The following RNF157 variants were observed in gnomAD, a reference collection of about 807,000 sequenced individuals.
RNF157 encodes ring finger protein 157, also known as E3 ubiquitin ligase RNF157.
A neutral mutation model predicts 88.3 loss-of-function variants in RNF157; 55 were observed. That is an observed-to-expected ratio of 0.62 (90% confidence interval 0.50 to 0.78). The LOEUF (loss-of-function observed/expected upper bound fraction) is 0.78, where lower values mean the gene tolerates loss of function less well. Ranked by LOEUF, RNF157 falls within the 30% of genes least tolerant of loss-of-function variation. The probability of loss-of-function intolerance (pLI) is 0.00; values close to 1 mark genes in which losing one functional copy is unlikely to be tolerated. For missense variants in RNF157, 788 were observed against 860.8 expected, an observed-to-expected ratio of 0.92 and a Z score of 1.06; for synonymous variants, 334 against 341.2, an observed-to-expected ratio of 0.98 and a Z score of 0.23.
chr17:76,164,724 A>G, intron 8 of RNF157, 24 bp downstream of exon 8: 1 of 1,499,872 alleles, frequency 6.7e-7, no homozygotes, highest in Non-Finnish European at 9.3e-7. Context: ...TAATACTAAC[A>G]GTCTGTGGTC....
chr17:76,175,656 T>C, intron 2 of RNF157: 3 of 563,030 alleles, frequency 5.3e-6, no homozygotes, highest in Non-Finnish European at 6.8e-6. Flanking sequence ...AAAGCCAAAA[T>C]AAATGACTTT....
intron 8 of RNF157, chr17:76,163,967 G>A (rs1178632554): frequency 1.3e-5 from 2 of 152,194 alleles, no homozygotes; most frequent in Admixed American, 6.5e-5. Context: ...AAAGAGAGGC[G>A]AGTAATTAAC....
At chr17:76,229,253 C>G (rs1267995958) in intron 1 of RNF157, among the ~76,000 whole-genome samples, 1 of 152,234 alleles carries the variant, frequency 6.6e-6, no homozygotes, top group Non-Finnish European at 1.5e-5. Context: ...CCTCTTCCTT[C>G]ACACTTTCTC....
At chr17:76,184,058 G>T (rs959741907) in intron 2 of RNF157, among the ~76,000 whole-genome samples, 2 of 151,988 alleles carry the variant, frequency 1.3e-5, no homozygotes, top group Non-Finnish European at 2.9e-5. Flanking sequence ...AGGCACAGCG[G>T]CACGCGCCTG....
At chr17:76,227,091 AAAT>A (rs1598444852) in intron 1 of RNF157, among the ~76,000 whole-genome samples, 3 of 151,934 alleles carry the variant, frequency 2.0e-5, no homozygotes, top group African/African-American at 7.3e-5. Flanking sequence ...TAGAAATGCC[AAAT>A]AATATTAATA....
Position 76,146,818 on chromosome 17 carries a change from G to A in RNF157, c.1922-1465C>T. 1 of 985,474 alleles carries A rather than the reference G, an allele frequency of 1.0e-6. No individual in the cohort carries two copies. Among genetic ancestry groups the A allele is most frequent in the Non-Finnish European group, 1.2e-6 (1 of 829,932 alleles). The allele number at this position is 985,474 out of a possible 1,614,324, so 61.0% of individuals were successfully genotyped here. ...TAGGAGGACCTGTTCAGCGGACAAG[G>A]CCGACCAACTGTAGAGTGTGGCCGT... On this transcript the variant is annotated intron_variant, in intron 18 of 18. Transcript: ENST00000269391. This position sits in a 1 kb window ranked among gnomAD's most constrained non-coding sequence, Gnocchi z 4.2.
rs533956390 is a variant in RNF157, at chr17:76,220,240, C to T, written c.89-7758G>A. On this transcript the variant is annotated intron_variant, in intron 1 of 18. Transcript: ENST00000269391. ...CTTGTCATACCAGATAACAAGGACG[C>T]TCTCTAAACCTACTAGGGTCATATC... 4.0e-4 allele frequency among the ~76,000 whole-genome samples: 61 copies of T among 152,102 alleles called. 1 individual carries two copies. The highest frequency in any genetic ancestry group is 8.0e-4 in the African/African-American group (33 of 41,492).
At chr17:76,169,498 C>T (rs909317307) in intron 3 of RNF157, among the ~76,000 whole-genome samples, 1 of 151,468 alleles carries the variant, frequency 6.6e-6, no homozygotes, top group Non-Finnish European at 1.5e-5. Context: ...TCTCAAACTC[C>T]TGGGCTTAAG....
intron 2 of RNF157, among the ~76,000 whole-genome samples, chr17:76,201,747 G>A (rs1465561048): frequency 6.6e-6 from 1 of 152,066 alleles, no homozygotes; most frequent in Non-Finnish European, 1.5e-5. Context: ...TCATGTGGTT[G>A]TGGACATATT....
intron 2 of RNF157, among the ~76,000 whole-genome samples, chr17:76,203,102 T>C (rs1277643576): frequency 6.6e-6 from 1 of 152,062 alleles, no homozygotes; most frequent in African/African-American, 2.4e-5. Flanking sequence ...GCGATTCTTA[T>C]GCCTCAGCCT....
At chr17:76,233,651 C>T (rs529807399) in intron 1 of RNF157, among the ~76,000 whole-genome samples, 9 of 152,252 alleles carry the variant, frequency 5.9e-5, no homozygotes, top group South Asian at 4.2e-4. Flanking sequence ...ATCCTTCTGC[C>T]TCAACCTGCC....
At chr17:76,183,424 T>C (rs952137600) in intron 2 of RNF157, among the ~76,000 whole-genome samples, 1 of 152,164 alleles carries the variant, frequency 6.6e-6, no homozygotes, top group Admixed American at 6.5e-5. Context: ...AATATTTAAT[T>C]ATATACCAAA....
intron 1 of RNF157, chr17:76,225,679 A>T: frequency 1.6e-6 from 2 of 1,241,970 alleles, no homozygotes; most frequent in Non-Finnish European, 2.2e-6. Flanking sequence ...CCTACAAAAT[A>T]ATTTATTGGA....
At chr17:76,197,604 T>C (rs1696790791) in intron 2 of RNF157, among the ~76,000 whole-genome samples, 1 of 152,212 alleles carries the variant, frequency 6.6e-6, no homozygotes, top group African/African-American at 2.4e-5. Flanking sequence ...GGTCTCAATA[T>C]GGTACCCAGG....
At chr17:76,156,065 C>T (rs576499018) in intron 14 of RNF157, 145 bp downstream of exon 14, 1 of 659,716 alleles carries the variant, frequency 1.5e-6, no homozygotes, top group South Asian at 2.0e-5. Context: ...AAAGCAAGTC[C>T]TCTTCCCTCT....
At chr17:76,194,838 AC>A in intron 2 of RNF157, among the ~76,000 whole-genome samples, 1 of 152,118 alleles carries the variant, frequency 6.6e-6, no homozygotes, top group East Asian at 1.9e-4. Flanking sequence ...ACATGGTGAA[AC>A]CCCGTCTCTA....
intron 1 of RNF157, among the ~76,000 whole-genome samples, chr17:76,231,330 T>C (rs943340271): frequency 5.3e-5 from 8 of 152,208 alleles, no homozygotes; most frequent in African/African-American, 1.9e-4. Context: ...GGTTTGTCTC[T>C]ATAATATTGA....
chr17:76,200,025 CAGG>C (rs1217580482), intron 2 of RNF157, among the ~76,000 whole-genome samples: 1 of 151,882 alleles, frequency 6.6e-6, no homozygotes. Flanking sequence ...ATCACGAGGT[CAGG>C]AGATCGAGAC....
rs1251584038 is a variant in RNF157, at chr17:76,160,772, C to T, written c.1065+763G>A. 6.6e-6 allele frequency among the ~76,000 whole-genome samples: 1 copy of T among 152,114 alleles called. No individual in the cohort carries two copies. The highest frequency in any genetic ancestry group is 2.4e-5 in the African/African-American group (1 of 41,442). On this transcript the variant is annotated intron_variant, in intron 11 of 18. Coordinates refer to ENST00000269391, the MANE Select transcript of RNF157 (RefSeq NM_052916.3). This position sits in a 1 kb window ranked among gnomAD's most constrained non-coding sequence, Gnocchi z 4.3. ...TAGGTGGTAAAATGTATGGTTCTTG[C>T]TTTCAAGCTTAGAGAATCCTTTCCA...
Sources: allele counts gnomAD v4.1 joint callset (sites outside exome capture counted in the v4.1 genomes callset), GRCh38; gene constraint gnomAD v4.1.1; non-coding constraint Gnocchi (gnomAD v3.1); transcripts MANE v1.5; gene names NCBI Gene and HGNC (gene_info 2026-07-23, HGNC 2026-07-21).